Variants in RIMS3 observed in about 807,000 individuals in gnomAD.
The protein encoded by RIMS3 is regulating synaptic membrane exocytosis protein 3.
A neutral mutation model predicts 29.2 loss-of-function variants in RIMS3; 15 were observed. The ratio of observed to expected loss-of-function variants is 0.51; its 90% CI spans 0.34 to 0.79. The LOEUF (loss-of-function observed/expected upper bound fraction) is 0.79, where lower values mean the gene tolerates loss of function less well. Among genes scored for constraint, RIMS3 ranks in the 30% least tolerant of loss-of-function variants. The pLI, the probability that RIMS3 is intolerant of heterozygous loss-of-function variation, is 0.01. For missense variants in RIMS3, 342 were observed against 421.4 expected (o/e 0.81, Z 1.65); for synonymous variants, 161 against 170.1 (o/e 0.95, Z 0.41).
intron 1 of RIMS3, among the ~76,000 whole-genome samples, chr1:40,657,955 A>G (rs1157417579): frequency 2.0e-5 from 3 of 152,134 alleles, no homozygotes; most frequent in Admixed American, 6.5e-5. Context: ...ATAAAATGGG[A>G]ATAATAATAG....
intron 1 of RIMS3, among the ~76,000 whole-genome samples, chr1:40,662,027 T>C (rs1463285017): frequency 6.6e-6 from 1 of 152,016 alleles, no homozygotes; most frequent in Non-Finnish European, 1.5e-5. Flanking sequence ...GGGAAAAGGG[T>C]AGGAGAGGGC....
intron 1 of RIMS3, among the ~76,000 whole-genome samples, chr1:40,656,783 C>CAAA (rs57983058): frequency 5.0e-4 from 37 of 73,288 alleles, no homozygotes; most frequent in South Asian, 1.5e-3. Flanking sequence ...AACTCCGTCT[C>CAAA]AAAAAAAAAA....
chr1:40,634,947 A>C (rs1173824659), intron 4 of RIMS3, among the ~76,000 whole-genome samples: 2 of 152,062 alleles, frequency 1.3e-5, no homozygotes, highest in African/African-American at 4.8e-5. Flanking sequence ...ATCACAAAAA[A>C]AAAAAAAACA....
Position 40,635,805 on chromosome 1 carries a change from C to T in RIMS3, c.359+111G>A. On this transcript the variant is annotated intron_variant, in intron 4 of 7. Transcript: ENST00000372684. The surrounding 1 kb of genome is among the most constrained non-coding windows in gnomAD (Gnocchi z 4.1). ...AAGGAAGGCAGAGACACAGAGGACC[C>T]AGACATTTTAGCTGGAAACAAAACA... 7.0e-7 allele frequency: 1 copy of T among 1,426,970 alleles called. No homozygotes were observed. Among genetic ancestry groups the T allele is most frequent in the Non-Finnish European group, 9.6e-7 (1 of 1,041,230 alleles). The allele number at this position is 1,426,970 out of a possible 1,614,324, so 88.4% of individuals were successfully genotyped here.
chr1:40,680,745 T>A, the RIMS3 span, among the ~76,000 whole-genome samples: 14 of 152,230 alleles, frequency 9.2e-5, no homozygotes, highest in Non-Finnish European at 1.6e-4. Context: ...TTAATTCAAA[T>A]TTTCAATTCC....
chr1:40,658,099 CA>C (rs980975806), intron 1 of RIMS3, among the ~76,000 whole-genome samples: 5 of 152,092 alleles, frequency 3.3e-5, no homozygotes, highest in South Asian at 2.1e-4. Flanking sequence ...GAATGAGTGA[CA>C]GGGGGAAGGT....
Position 40,647,818 on chromosome 1 carries a change from A to G in RIMS3, c.-182T>C, listed in dbSNP as rs1557678301. 1 of 152,062 alleles carries G rather than the reference A, an allele frequency of 6.6e-6. No homozygotes were observed. Among genetic ancestry groups the G allele is most frequent in the Non-Finnish European group, 1.5e-5 (1 of 68,022 alleles). 9.4% of individuals were successfully genotyped at this position (152,062 alleles called of 1,614,324 possible). ...GTGAAGGCAATCAGGGCAGGCTCCC[A>G]GAGGAGGCGATGTGATAAAAGGGTC... On this transcript the variant is annotated 5_prime_UTR_variant, in exon 2 of 8. Transcript: ENST00000372684.
chr1:40,676,194 C>T, the RIMS3 span, among the ~76,000 whole-genome samples: 1 of 152,176 alleles, frequency 6.6e-6, no homozygotes, highest in Non-Finnish European at 1.5e-5. Flanking sequence ...CTTCTGCAGC[C>T]CAATGAGCCT....
intron 1 of RIMS3, among the ~76,000 whole-genome samples, chr1:40,657,292 A>G (rs1240879597): frequency 2.6e-5 from 4 of 152,172 alleles, no homozygotes; most frequent in Non-Finnish European, 1.5e-5. Flanking sequence ...CTTGCTGGGC[A>G]GTGGGGAAAG....
Position 40,635,861 on chromosome 1 carries a change from T to C in RIMS3, c.359+55A>G. On this transcript the variant is annotated intron_variant, in intron 4 of 7. Coordinates refer to ENST00000372684, the MANE Select transcript of RIMS3 (RefSeq NM_014747.3). The surrounding 1 kb of genome is among the most constrained non-coding windows in gnomAD (Gnocchi z 4.1). ...GCTTTCCCACCCTGCCCAGTGGCTC[T>C]GTGACTGGAGGACCGAGGAGGAGGG... 1 of 1,595,498 alleles carries C rather than the reference T, an allele frequency of 6.3e-7. No individual in the cohort carries two copies.
chr1:40,631,254 T>A (rs2148344899), intron 5 of RIMS3, among the ~76,000 whole-genome samples: 1 of 152,268 alleles, frequency 6.6e-6, no homozygotes, highest in Non-Finnish European at 1.5e-5. Flanking sequence ...GCAGGGAGGT[T>A]CTGTCTGAGA....
In RIMS3 at chr1:40,654,155, G is replaced by A. The variant is rs1180680041; in HGVS notation, c.-206-6313C>T. On this transcript the variant is annotated intron_variant, in intron 1 of 7. Coordinates refer to ENST00000372684, the MANE Select transcript of RIMS3 (RefSeq NM_014747.3). The surrounding 1 kb of genome is among the most constrained non-coding windows in gnomAD (Gnocchi z 5.3). ...TCCCATCTCCTCCCCTCCCCTTCCC[G>A]CCCCTCCCCCTCCCCGCCCCTCCCC... Among the ~76,000 whole-genome samples the A allele has an allele frequency of 4.7e-5, 2 of 42,556 alleles. No homozygotes were observed. Among genetic ancestry groups the A allele is most frequent in the African/African-American group, 1.8e-4 (2 of 11,234 alleles). The allele number at this position is 42,556 out of a possible 152,430, so 27.9% of individuals were successfully genotyped here. A position where few individuals can be genotyped will look rare whatever the true frequency, so the allele number is the denominator to read the frequency against.
chr1:40,650,497 C>T (rs574196394), intron 1 of RIMS3, among the ~76,000 whole-genome samples: 1 of 152,202 alleles, frequency 6.6e-6, no homozygotes, highest in Non-Finnish European at 1.5e-5. Context: ...CCTCTCCTAT[C>T]TCCCAGCCCG....
At chr1:40,639,777 T>C (rs588940) in intron 3 of RIMS3, among the ~76,000 whole-genome samples, 1,606 of 152,216 alleles carry the variant, frequency 0.011, 35 homozygotes, top group African/African-American at 0.037. Flanking sequence ...TACAGCGTAC[T>C]AGATGATCTC....
chr1:40,635,923 C>T lies in RIMS3; in HGVS notation c.352G>A (p.Asp118Asn). The change falls in exon 4 of 8, where the codon GAC (aspartate) becomes AAC (asparagine). Residue 118 changes from aspartate to asparagine, a missense_variant. Asp to Asn is a conservative substitution (Grantham distance 23). Coordinates refer to ENST00000372684, the MANE Select transcript of RIMS3 (RefSeq NM_014747.3). This position sits in a 1 kb window ranked among gnomAD's most constrained non-coding sequence, Gnocchi z 4.1. Reference sequence around the variant, plus strand: ...GCACGGGGCTGCACGCACGTGCCGTCGGAGCTGTTGCTGTTGGTGCTCCCA... The same window carrying T: ...GCACGGGGCTGCACGCACGTGCCGTTGGAGCTGTTGCTGTTGGTGCTCCCA... ...TDGSTNSNSS[D>N]GTFIFPTTRL... 2 of 1,612,904 alleles carry T rather than the reference C, an allele frequency of 1.2e-6. No individual in the cohort carries two copies. Among genetic ancestry groups the T allele is most frequent in the East Asian group, 2.2e-5 (1 of 44,876 alleles).
the RIMS3 span, among the ~76,000 whole-genome samples, chr1:40,672,868 GA>G: frequency 0.77 from 101,468 of 132,424 alleles, 37,979 homozygotes; most frequent in African/African-American, 0.83. Context: ...CATCTCTGGA[GA>G]AAAAAAAAAA....
chr1:40,626,376 C>T lies in RIMS3; in HGVS notation c.*141G>A, dbSNP rs1229848499. On this transcript the variant is annotated 3_prime_UTR_variant, in exon 8 of 8. Coordinates refer to ENST00000372684, the MANE Select transcript of RIMS3 (RefSeq NM_014747.3). The stretch of plus-strand genomic sequence containing the variant: ...CACGCACACACTACAGTCTCCACTG[C>T]CAGCTGGGATGAGCCCAGTAGCCAA... 2 of 773,942 alleles carry T rather than the reference C, an allele frequency of 2.6e-6. No homozygotes were observed. Among genetic ancestry groups the T allele is most frequent in the Non-Finnish European group, 4.4e-6 (2 of 454,828 alleles). 47.9% of individuals were successfully genotyped at this position (773,942 alleles called of 1,614,324 possible).
At position 40,628,959 on chromosome 1, in the gene RIMS3, G is replaced by A; in HGVS notation, c.575-10C>T. The A allele has an allele frequency of 6.2e-7, 1 of 1,612,906 alleles. No individual in the cohort carries two copies. ...ACCTTGATATAGGTGGCTAAGGGAG[G>A]AGAGAATGTATGACAGGGAGGGGTC... On this transcript the variant is annotated splice_polypyrimidine_tract_variant and intron_variant, in intron 6 of 7. Coordinates refer to ENST00000372684, the MANE Select transcript of RIMS3 (RefSeq NM_014747.3).
chr1:40,657,855 T>C (rs2092327), intron 1 of RIMS3, among the ~76,000 whole-genome samples: 117,835 of 151,882 alleles, frequency 0.78, 46,403 homozygotes, highest in African/African-American at 0.89. Flanking sequence ...TGCAGTGAGC[T>C]GTGTTCAAGT....
Sources: gnomAD v4.1 joint callset for allele counts (sites outside exome capture counted in the v4.1 genomes callset) on GRCh38, gnomAD v4.1.1 for gene constraint, Gnocchi (gnomAD v3.1) non-coding constraint, MANE v1.5 for transcripts, NCBI Gene and HGNC (gene_info 2026-07-23, HGNC 2026-07-21) for gene names.